CASZ1: variants seen among roughly 807,000 people sequenced by gnomAD.
CASZ1 encodes the protein castor zinc finger 1.
Under a neutral mutation model 135.2 loss-of-function variants are expected in CASZ1, and 28 were observed. That is an observed-to-expected ratio of 0.21 (90% confidence interval 0.15 to 0.28). The LOEUF (loss-of-function observed/expected upper bound fraction) is 0.28. Ranked by LOEUF, CASZ1 falls within the 10% of genes least tolerant of loss-of-function variation. The pLI is 1.00. For missense variants in CASZ1, 2,161 were observed against 2,453.3 expected, an observed-to-expected ratio of 0.88 and a Z score of 2.52; for synonymous variants, 1,068 against 1,073.4, an observed-to-expected ratio of 0.99 and a Z score of 0.10.
At chr1:10,779,698 C>T (rs1440834466) in intron 1 of CASZ1, among the ~76,000 whole-genome samples, 1 of 152,200 alleles carries the variant, frequency 6.6e-6, no homozygotes, top group African/African-American at 2.4e-5. Flanking sequence ...TCTCTCGCAG[C>T]GTTCACAGCT....
At position 10,706,594 on chromosome 1, in the gene CASZ1, G is replaced by A. The variant is rs996774649; in HGVS notation, c.-76-1050C>T. On this transcript the variant is annotated intron_variant, in intron 2 of 20. Coordinates refer to ENST00000377022, the MANE Select transcript of CASZ1 (RefSeq NM_001079843.3). The surrounding 1 kb of genome is among the most constrained non-coding windows in gnomAD (Gnocchi z 4.3). ...TCCCGGAATGCCACCCAGTCCCACC[G>A]CCCGCTCTCCGGTTCCCAGGACATA... is the stretch of plus-strand genomic sequence containing the variant. Among the ~76,000 whole-genome samples, 2 of 152,196 alleles carry A rather than the reference G, an allele frequency of 1.3e-5. No homozygotes were observed. Among genetic ancestry groups the A allele is most frequent in the Non-Finnish European group, 2.9e-5 (2 of 68,022 alleles).
At chr1:10,693,732 C>T (rs1357164319) in intron 4 of CASZ1, 142 bp downstream of exon 4, 1 of 795,034 alleles carries the variant, frequency 1.3e-6, no homozygotes, top group Admixed American at 2.1e-5. Flanking sequence ...ATCCCGAGGC[C>T]GGGACGCCGG....
intron 2 of CASZ1, among the ~76,000 whole-genome samples, chr1:10,715,266 G>A (rs1345113000): frequency 6.6e-6 from 1 of 152,122 alleles, no homozygotes; most frequent in East Asian, 1.9e-4. Flanking sequence ...ACAACTATGT[G>A]GGCAGAGACC....
At position 10,687,190 on chromosome 1, in the gene CASZ1, G is replaced by T. The variant is rs1317652743; in HGVS notation, c.16+6684C>A. On this transcript the variant is annotated intron_variant, in intron 4 of 20. Coordinates refer to ENST00000377022, the MANE Select transcript of CASZ1 (RefSeq NM_001079843.3). ...CTCACACAGCGCAGTCCCTCCCAAGGCCCCCTTAGATCACTGAAAGAGCCC... is the reference window on the plus strand; with the variant it reads ...CTCACACAGCGCAGTCCCTCCCAAGTCCCCCTTAGATCACTGAAAGAGCCC... Among the ~76,000 whole-genome samples the T allele has an allele frequency of 2.6e-5, 4 of 152,100 alleles. No homozygotes were observed. The East Asian group carries it at 7.7e-4, about 29-fold the overall frequency.
chr1:10,648,075 C>T lies in CASZ1; in HGVS notation c.3223G>A (p.Ala1075Thr). ...GNTEAAFPAS[A>T]AETKPPMAPS... Reference sequence around the variant, plus strand: ...GCCATGGGAGGTTTGGTCTCGGCGGCCGAGGCCGGAAAGGCAGCCTCTGTG... The same window carrying T: ...GCCATGGGAGGTTTGGTCTCGGCGGTCGAGGCCGGAAAGGCAGCCTCTGTG... Residue 1075 changes from alanine (A) to threonine (T), a missense_variant, in exon 16 of 21, where the codon GCC (alanine) becomes ACC (threonine). Physicochemically the swap from Ala to Thr is moderately conservative, Grantham distance 58 (BLOSUM62 0). Transcript: ENST00000377022. 6.3e-7 allele frequency: 1 copy of T among 1,586,374 alleles called. No individual in the cohort carries two copies. The highest frequency in any genetic ancestry group is 8.6e-7 in the Non-Finnish European group (1 of 1,167,028).
intron 1 of CASZ1, among the ~76,000 whole-genome samples, chr1:10,763,681 C>T (rs1041123669): frequency 2.0e-5 from 3 of 152,186 alleles, no homozygotes; most frequent in Non-Finnish European, 2.9e-5. Flanking sequence ...GGACTTTTAA[C>T]TCCTCAAGGG....
intron 4 of CASZ1, among the ~76,000 whole-genome samples, chr1:10,688,140 GC>G (rs1638652588): frequency 6.6e-6 from 1 of 152,230 alleles, no homozygotes; most frequent in Non-Finnish European, 1.5e-5. Context: ...ATTAGGAGCA[GC>G]CGTGGCAGAG....
chr1:10,792,037 T>C (rs1236930381), intron 1 of CASZ1, among the ~76,000 whole-genome samples: 1 of 151,374 alleles, frequency 6.6e-6, no homozygotes, highest in Non-Finnish European at 1.5e-5. Flanking sequence ...ATTTTAAAAA[T>C]ATAGCAAAGA....
intron 4 of CASZ1, 81 bp from the exon 5 acceptor site, chr1:10,665,652 C>A: frequency 1.4e-6 from 2 of 1,414,562 alleles, no homozygotes; most frequent in East Asian, 2.5e-5. Context: ...CCCTGCATCC[C>A]CCAAGCTGCA....
In CASZ1 at chr1:10,647,128, A is replaced by G; in HGVS notation, c.3497+673T>C. The G allele has an allele frequency of 1.8e-6, 1 of 548,738 alleles. No individual in the cohort carries two copies. The highest frequency in any genetic ancestry group is 2.3e-6 in the Non-Finnish European group (1 of 430,892). The allele number at this position is 548,738 out of a possible 1,614,324, so 34.0% of individuals were successfully genotyped here. On this transcript the variant is annotated intron_variant, in intron 16 of 20. Transcript: ENST00000377022. The surrounding 1 kb of genome is among the most constrained non-coding windows in gnomAD (Gnocchi z 4.9). ...GGGGGAGGGGAGGCTGGTGGGGGGG[A>G]CGGAGAACAGTGCTGGGCCCCTTCC...
rs1319291991 is a variant in CASZ1 at position 10,700,082 on chromosome 1, C to G, written c.-24+5410G>C. On this transcript the variant is annotated intron_variant, in intron 3 of 20. Transcript: ENST00000377022. This position sits in a 1 kb window ranked among gnomAD's most constrained non-coding sequence, Gnocchi z 4.2. ...ACAGAGAGAGAAAGAGAGATAGAGA[C>G]ACACACACACACACACACACACACA... Among the ~76,000 whole-genome samples the G allele has an allele frequency of 1.4e-5, 2 of 140,404 alleles. No individual in the cohort carries two copies. The highest frequency in any genetic ancestry group is 7.0e-5 in the Admixed American group (1 of 14,266). The allele number at this position is 140,404 out of a possible 152,430, so 92.1% of individuals were successfully genotyped here.
In CASZ1 at chr1:10,644,845, C is replaced by T. The variant is rs188758546; in HGVS notation, c.3868+72G>A. On this transcript the variant is annotated intron_variant, in intron 18 of 20. Transcript: ENST00000377022. ...AACAGGACGCGGGTACCAGGAGAGG[C>T]GGCCCAGGCCACGGGGGCCATGGTC... The T allele has an allele frequency of 3.1e-4, 462 of 1,490,046 alleles. 4 individuals are homozygous for T. The African/African-American group carries it at 3.9e-3, about 13-fold the overall frequency. The allele number at this position is 1,490,046 out of a possible 1,614,324, so 92.3% of individuals were successfully genotyped here. A position where few individuals can be genotyped will look rare whatever the true frequency, so the allele number is the denominator to read the frequency against.
chr1:10,640,798 G>A (rs114929858), intron 20 of CASZ1, among the ~76,000 whole-genome samples: 2,231 of 152,318 alleles, frequency 0.015, 15 homozygotes, highest in South Asian at 0.024. Context: ...CATGGGGAGC[G>A]GAGCCCATTT....
chr1:10,664,978 T>C, intron 5 of CASZ1, 105 bp downstream of exon 5: 1 of 1,272,512 alleles, frequency 7.9e-7, no homozygotes, highest in Non-Finnish European at 1.0e-6. Context: ...GGCCGGTATT[T>C]AGAGCAGGAG....
chr1:10,746,914 C>T (rs995117397), intron 2 of CASZ1, among the ~76,000 whole-genome samples: 4 of 152,218 alleles, frequency 2.6e-5, no homozygotes, highest in African/African-American at 4.8e-5. Flanking sequence ...TCCCAGGAGC[C>T]GTTTTCCAGG....
chr1:10,683,688 G>A (rs1252130688), intron 4 of CASZ1, among the ~76,000 whole-genome samples: 1 of 152,186 alleles, frequency 6.6e-6, no homozygotes, highest in Admixed American at 6.5e-5. Flanking sequence ...ACAAGTCGGA[G>A]TGCGTTCCAC....
At chr1:10,664,958 T>G (rs1643178901) in intron 5 of CASZ1, 125 bp downstream of exon 5, 1 of 1,130,744 alleles carries the variant, frequency 8.8e-7, no homozygotes, top group East Asian at 3.0e-5. Context: ...CCTCCCTGGG[T>G]GGGATGAGGG....
intron 3 of CASZ1, among the ~76,000 whole-genome samples, chr1:10,703,223 G>A (rs553768628): frequency 6.6e-6 from 1 of 152,144 alleles, no homozygotes; most frequent in Admixed American, 6.5e-5. Context: ...CTCCCTTCCA[G>A]CCTTTCCTCT....
rs117927896 is a variant in CASZ1 at position 10,794,421 on chromosome 1, C to A, written c.-234+2143G>T. ...CTACGCACAATGAGGGCCGCACCCC[C>A]ACACTCCACTCGGTCAGAAACGCAC... On this transcript the variant is annotated intron_variant, in intron 1 of 20. Coordinates refer to ENST00000377022, the MANE Select transcript of CASZ1 (RefSeq NM_001079843.3). The surrounding 1 kb of genome is among the most constrained non-coding windows in gnomAD (Gnocchi z 5.6). 3.3e-3 allele frequency among the ~76,000 whole-genome samples: 500 copies of A among 152,244 alleles called. 13 individuals carry two copies. In the East Asian group the frequency reaches 0.05, roughly 15 times the overall value.
Sources: gnomAD v4.1 joint callset for allele counts (sites outside exome capture counted in the v4.1 genomes callset) on GRCh38, gnomAD v4.1.1 for gene constraint, Gnocchi (gnomAD v3.1) non-coding constraint, MANE v1.5 for transcripts, NCBI Gene and HGNC (gene_info 2026-07-23, HGNC 2026-07-21) for gene names.